The following XRN1 variants were observed in gnomAD, a reference collection of about 807,000 sequenced individuals.
XRN1 encodes the protein strand-exchange protein 1 homolog.
XRN1 carries 67 observed loss-of-function variants against 222.3 expected under a neutral mutation model. That is an observed-to-expected ratio of 0.30 (90% confidence interval 0.25 to 0.37). The LOEUF is 0.37. Among genes scored for constraint, XRN1 ranks in the 10% least tolerant of loss-of-function variants. XRN1 has a pLI of 1.00. For missense variants in XRN1, 1,707 were observed against 2,000.2 expected, an observed-to-expected ratio of 0.85 and a Z score of 2.80; for synonymous variants, 643 against 652.4, an observed-to-expected ratio of 0.99 and a Z score of 0.22.
At position 142,403,788 on chromosome 3, in the gene XRN1, A is replaced by T. The variant is rs1396740028; in HGVS notation, c.2005-16T>A. On this transcript the variant is annotated splice_polypyrimidine_tract_variant and intron_variant, in intron 17 of 40. Transcript: ENST00000392981. ...TCAAAAAAAACTTTAAAAGAATTCA[A>T]ATAATTTAATTTTAATTCTTTCTCC... 3.7e-6 allele frequency: 6 copies of T among 1,610,374 alleles called. No homozygotes were observed. Among genetic ancestry groups the T allele is most frequent in the Non-Finnish European group, 1.7e-6 (2 of 1,177,834 alleles).
At chr3:142,438,424 C>T (rs1219899470) in intron 1 of XRN1, among the ~76,000 whole-genome samples, 2 of 152,066 alleles carry the variant, frequency 1.3e-5, no homozygotes, top group Non-Finnish European at 2.9e-5. Context: ...CATCGGTAAG[C>T]GTAACTAATC....
At position 142,417,144 on chromosome 3, in the gene XRN1, T is replaced by C; in HGVS notation, c.1432A>G (p.Ser478Gly). 6.2e-7 allele frequency: 1 copy of C among 1,611,674 alleles called. No homozygotes were observed. The highest frequency in any genetic ancestry group is 8.5e-7 in the Non-Finnish European group (1 of 1,178,538). ...TTTTTGTTTTTATTCTCTCACCAGC[T>C]CCAGGACTGAACTCCATGATAGTAA... ...HYYYHGVQSW[S>G]WYYPYHYAPF... Residue 478 changes from serine (S) to glycine (G), a missense_variant, in exon 13 of 41, where the codon AGC (serine) becomes GGC (glycine). Physicochemically the swap from Ser to Gly is moderately conservative, Grantham distance 56. Around this residue, in one of 2 missense-constraint regions of XRN1, gnomAD observed 1,234 missense variants for 1,518.2 expected, o/e 0.81. Transcript: ENST00000392981.
chr3:142,315,440 G>T (rs1290595473), intron 39 of XRN1, among the ~76,000 whole-genome samples: 1 of 151,346 alleles, frequency 6.6e-6, no homozygotes, highest in Non-Finnish European at 1.5e-5. Flanking sequence ...GTAACTTAAT[G>T]ACCTTAGACA....
At chr3:142,356,726 C>G (rs1389116601) in intron 31 of XRN1, among the ~76,000 whole-genome samples, 186 bp downstream of exon 31, 1 of 152,022 alleles carries the variant, frequency 6.6e-6, no homozygotes, top group African/African-American at 2.4e-5. Flanking sequence ...TATTTTATAG[C>G]AGAGGTAGAA....
rs889396453 is a variant in XRN1 at position 142,415,423 on chromosome 3, G to C, written c.1437-1132C>G. ...CAGACAGGCTTTGACTTAATTCTTG[G>C]GTGTATAATCTTTAGGAAGATTACC... is the stretch of plus-strand genomic sequence containing the variant. On this transcript the variant is annotated intron_variant, in intron 13 of 40. Coordinates refer to ENST00000392981, the MANE Select transcript of XRN1 (RefSeq NM_001282857.2). Among the ~76,000 whole-genome samples, 6 of 152,032 alleles carry C rather than the reference G, an allele frequency of 3.9e-5. No homozygotes were observed. The East Asian group carries it at 1.2e-3, about 29-fold the overall frequency.
chr3:142,326,690 TC>T (rs1476665976), intron 37 of XRN1, among the ~76,000 whole-genome samples: 1 of 152,140 alleles, frequency 6.6e-6, no homozygotes, highest in Non-Finnish European at 1.5e-5. Context: ...AAAGTGGGCA[TC>T]CTTGTCTTGT....
intron 2 of XRN1, chr3:142,429,866 A>G (rs1057092328): frequency 6.6e-5 from 10 of 152,216 alleles, no homozygotes; most frequent in African/African-American, 2.4e-4. Context: ...TGTATATTTC[A>G]GCAATGGTAA....
intron 34 of XRN1, among the ~76,000 whole-genome samples, chr3:142,333,538 T>C (rs1183400538): frequency 2.0e-5 from 3 of 152,146 alleles, no homozygotes; most frequent in East Asian, 1.9e-4. Flanking sequence ...AACCTCTCAA[T>C]GAGATTTAGC....
intron 2 of XRN1, among the ~76,000 whole-genome samples, chr3:142,428,702 A>T (rs1364376302): frequency 6.6e-6 from 1 of 152,236 alleles, no homozygotes. Flanking sequence ...AGCTAGTGGC[A>T]GGTGTTGCCA....
chr3:142,421,264 T>C, intron 9 of XRN1, 111 bp from the exon 10 acceptor site: 1 of 1,089,658 alleles, frequency 9.2e-7, no homozygotes, highest in Non-Finnish European at 1.3e-6. Context: ...TGGAGAATGT[T>C]ACTCTTTTAT....
chr3:142,396,670 C>T (rs2067945873), intron 20 of XRN1, among the ~76,000 whole-genome samples: 1 of 152,162 alleles, frequency 6.6e-6, no homozygotes, highest in African/African-American at 2.4e-5. Flanking sequence ...AGGAGTATCC[C>T]TGAATTCTCC....
chr3:142,432,944 A>G (rs1434514049), intron 1 of XRN1, 51 bp from the exon 2 acceptor site: 2 of 1,385,586 alleles, frequency 1.4e-6, no homozygotes, highest in Non-Finnish European at 2.0e-6. Context: ...TCAACTACAG[A>G]TATCTTAAGC....
intron 33 of XRN1, among the ~76,000 whole-genome samples, chr3:142,335,788 G>GA (rs750303732): frequency 6.6e-6 from 1 of 152,174 alleles, no homozygotes; most frequent in South Asian, 2.1e-4. Flanking sequence ...CAAATAGTGG[G>GA]AAAAAAGACA....
At chr3:142,320,557 T>G (rs2065325553) in intron 37 of XRN1, among the ~76,000 whole-genome samples, 1 of 150,678 alleles carries the variant, frequency 6.6e-6, no homozygotes, top group Non-Finnish European at 1.5e-5. Flanking sequence ...AGCTTTTTAG[T>G]TTAGTTGAGT....
At chr3:142,418,729 C>T (rs921332359) in intron 11 of XRN1, 86 bp downstream of exon 11, 3 of 1,507,872 alleles carry the variant, frequency 2.0e-6, no homozygotes, top group Admixed American at 1.8e-5. Context: ...AAATCTGTTC[C>T]ACCCAAAATT....
chr3:142,325,128 A>G (rs2065481113), intron 37 of XRN1, among the ~76,000 whole-genome samples: 3 of 152,104 alleles, frequency 2.0e-5, no homozygotes, highest in Admixed American at 6.5e-5. Context: ...TATCTTTTTG[A>G]GCAATTTCCA....
chr3:142,329,620 C>T lies in XRN1; in HGVS notation c.4223-5G>A, dbSNP rs2065633529. 6.6e-7 allele frequency: 1 copy of T among 1,526,002 alleles called. No homozygotes were observed. The highest frequency in any genetic ancestry group is 1.3e-5 in the South Asian group (1 of 74,362). 94.5% of individuals were successfully genotyped at this position (1,526,002 alleles called of 1,614,324 possible). On this transcript the variant is annotated splice_region_variant and splice_polypyrimidine_tract_variant and intron_variant, in intron 36 of 40. Coordinates refer to ENST00000392981, the MANE Select transcript of XRN1 (RefSeq NM_001282857.2). ...GAGGCTTGTTCATATAAGATGCTAC[C>T]AAAAAAGAGAAAAGAGTCTATCTTT...
chr3:142,395,430 A>G (rs991547110), intron 20 of XRN1, among the ~76,000 whole-genome samples: 1 of 152,204 alleles, frequency 6.6e-6, no homozygotes, highest in Non-Finnish European at 1.5e-5. Context: ...ACGAGTATAC[A>G]TTGTTATCAT....
chr3:142,406,209 A>G (rs1461508681), intron 15 of XRN1, among the ~76,000 whole-genome samples: 2 of 152,234 alleles, frequency 1.3e-5, no homozygotes, highest in South Asian at 2.1e-4. Flanking sequence ...CATAATTTAT[A>G]GCCATCTGAT....
Sources: allele counts gnomAD v4.1 joint callset (sites outside exome capture counted in the v4.1 genomes callset), GRCh38; gene constraint gnomAD v4.1.1; regional missense constraint gnomAD v4.1.1; transcripts MANE v1.5; gene names NCBI Gene and HGNC (gene_info 2026-07-23, HGNC 2026-07-21).